TTC39C: variants seen among roughly 807,000 people sequenced by gnomAD.
TTC39C encodes the protein tetratricopeptide repeat protein 39C.
A neutral mutation model predicts 76.3 loss-of-function variants in TTC39C; 33 were observed. That is an observed-to-expected ratio of 0.43 (90% confidence interval 0.33 to 0.58). The LOEUF is 0.58. TTC39C is among the 20% of genes least tolerant of loss of function. TTC39C has a pLI of 0.04. For missense variants in TTC39C, 595 were observed against 701.4 expected (o/e 0.85, Z 1.71); for synonymous variants, 254 against 260.6 (o/e 0.97, Z 0.24).
intron 6 of TTC39C, among the ~76,000 whole-genome samples, chr18:24,098,604 TTTC>T (rs2145786208): frequency 7.2e-6 from 1 of 138,188 alleles, no homozygotes; most frequent in Non-Finnish European, 1.6e-5. Flanking sequence ...CCTCCCTTTC[TTTC>T]TTCTTTTCTC....
intron 1 of TTC39C, among the ~76,000 whole-genome samples, chr18:24,028,816 G>A (rs1182633823): frequency 2.0e-5 from 3 of 151,612 alleles, no homozygotes; most frequent in Admixed American, 6.6e-5. Context: ...TCTGCTTCCC[G>A]GGTTCAAGCA....
intron 6 of TTC39C, among the ~76,000 whole-genome samples, chr18:24,111,906 A>C (rs1215392522): frequency 4.2e-5 from 1 of 23,826 alleles, no homozygotes; most frequent in Non-Finnish European, 2.2e-4. Context: ...TATCTTTAAA[A>C]ATATATATAT....
At position 24,080,727 on chromosome 18, in the gene TTC39C, C is replaced by G. The variant is rs1347668309; in HGVS notation, c.603C>G (p.His201Gln). The G allele has an allele frequency of 3.1e-6, 5 of 1,614,120 alleles. No homozygotes were observed. The South Asian group carries it at 5.5e-5, about 18-fold the overall frequency. Reference protein sequence around the residue: ...SLTSDAANDNHIVAEGVSEES... With the variant: ...SLTSDAANDNQIVAEGVSEES... The stretch of plus-strand genomic sequence containing the variant: ...CTTCTGATGCTGCAAATGATAATCA[C>G]ATTGTGGCTGAAGGGGTGTCTGAGG... Residue 201 changes from histidine (H) to glutamine (Q), a missense_variant, in exon 5 of 14, where the codon CAC becomes CAG. By Grantham distance (24) the His-to-Gln change is conservative. Transcript: ENST00000317571.
chr18:24,114,370 G>T, intron 6 of TTC39C, 184 bp from the exon 7 acceptor site: 1 of 523,004 alleles, frequency 1.9e-6, no homozygotes, highest in South Asian at 2.1e-5. Context: ...TCTGTGCTTA[G>T]GTTAATTTCA....
rs1247169493 is a variant in TTC39C, at chr18:24,070,732, A to G, written c.460+1461A>G. ...GGTGGTGGTCGCTGTAATCCCAGCT[A>G]CTTGGGAGGCTGAGGCAGGAGAATC... On this transcript the variant is annotated intron_variant, in intron 4 of 13. Coordinates refer to ENST00000317571, the MANE Select transcript of TTC39C (RefSeq NM_001135993.2). Among the ~76,000 whole-genome samples, 3 of 151,874 alleles carry G rather than the reference A, an allele frequency of 2.0e-5. No individual in the cohort carries two copies. In the East Asian group the frequency reaches 5.9e-4, roughly 30 times the overall value.
intron 6 of TTC39C, among the ~76,000 whole-genome samples, chr18:24,086,957 G>A (rs1450792089): frequency 6.6e-6 from 1 of 151,806 alleles, no homozygotes; most frequent in African/African-American, 2.4e-5. Context: ...CTTGTTTGGT[G>A]TTGAGAGCTG....
chr18:24,117,841 G>A (rs1251188375), intron 7 of TTC39C, among the ~76,000 whole-genome samples: 2 of 152,136 alleles, frequency 1.3e-5, no homozygotes, highest in Non-Finnish European at 2.9e-5. Flanking sequence ...CCTCACGACT[G>A]TTAGGACGTA....
At chr18:24,090,041 G>T (rs2084498105) in intron 6 of TTC39C, among the ~76,000 whole-genome samples, 1 of 152,066 alleles carries the variant, frequency 6.6e-6, no homozygotes, top group Non-Finnish European at 1.5e-5. Flanking sequence ...TTACAAATCT[G>T]ATGTTTACAA....
intron 1 of TTC39C, among the ~76,000 whole-genome samples, chr18:24,005,142 G>C (rs752027365): frequency 4.6e-5 from 7 of 152,176 alleles, no homozygotes; most frequent in Non-Finnish European, 5.9e-5. Context: ...GAACCACTGT[G>C]GGCAATGAGA....
intron 8 of TTC39C, among the ~76,000 whole-genome samples, chr18:24,119,273 C>A (rs10163625): frequency 0.34 from 51,149 of 151,948 alleles, 9,058 homozygotes; most frequent in East Asian, 0.46. Context: ...GCGGTTGTAC[C>A]TTTTCTGCCT....
chr18:24,020,870 T>C (rs1486001673), intron 1 of TTC39C, among the ~76,000 whole-genome samples: 2 of 152,148 alleles, frequency 1.3e-5, no homozygotes, highest in Non-Finnish European at 2.9e-5. Context: ...AGAAGCTATA[T>C]TGAGTGAAAT....
At chr18:24,037,141 A>G (rs1265846767) in intron 1 of TTC39C, among the ~76,000 whole-genome samples, 1 of 152,142 alleles carries the variant, frequency 6.6e-6, no homozygotes, top group African/African-American at 2.4e-5. Flanking sequence ...GTCTTTTACT[A>G]TTGAATATGA....
chr18:24,029,842 T>A (rs2083646721), intron 1 of TTC39C, among the ~76,000 whole-genome samples: 1 of 152,254 alleles, frequency 6.6e-6, no homozygotes, highest in Non-Finnish European at 1.5e-5. Context: ...TTCATTTCTT[T>A]TCATGGCTGA....
intron 6 of TTC39C, among the ~76,000 whole-genome samples, chr18:24,097,135 G>A (rs371716542): frequency 1.3e-5 from 2 of 152,166 alleles, no homozygotes; most frequent in Admixed American, 6.5e-5. Flanking sequence ...GAAGCTGTCC[G>A]GGGTGTTTTG....
chr18:24,075,727 G>C (rs1286621675), intron 4 of TTC39C, among the ~76,000 whole-genome samples: 1 of 145,688 alleles, frequency 6.9e-6, no homozygotes, highest in Non-Finnish European at 1.5e-5. Context: ...TCTATTATTT[G>C]AGACACAAGA....
At chr18:24,073,532 C>CT (rs10711494) in intron 4 of TTC39C, among the ~76,000 whole-genome samples, 22 of 149,250 alleles carry the variant, frequency 1.5e-4, no homozygotes, top group South Asian at 6.4e-4. Flanking sequence ...AATCCTGGTT[C>CT]TTTTTTTTTT....
intron 1 of TTC39C, among the ~76,000 whole-genome samples, chr18:24,031,181 C>T (rs960889365): frequency 6.6e-6 from 1 of 151,406 alleles, no homozygotes; most frequent in African/African-American, 2.4e-5. Flanking sequence ...TGGTCTCGAA[C>T]TCCTGACTGC....
intron 4 of TTC39C, chr18:24,076,685 C>T (rs1349379082): frequency 1.3e-5 from 2 of 152,086 alleles, no homozygotes; most frequent in Non-Finnish European, 2.9e-5. Context: ...TCGACATGAG[C>T]ATTAAGTTTG....
chr18:24,070,793 A>C (rs1471332235), intron 4 of TTC39C, among the ~76,000 whole-genome samples: 1 of 151,996 alleles, frequency 6.6e-6, no homozygotes, highest in Non-Finnish European at 1.5e-5. Flanking sequence ...CAGTGAGCTG[A>C]GATCACTCCA....
Sources: gnomAD v4.1 joint callset for allele counts (sites outside exome capture counted in the v4.1 genomes callset) on GRCh38, gnomAD v4.1.1 for gene constraint, MANE v1.5 for transcripts, NCBI Gene and HGNC (gene_info 2026-07-23, HGNC 2026-07-21) for gene names.